The following TBC1D23 variants were observed in gnomAD, a reference collection of about 807,000 sequenced individuals.
TBC1D23 encodes the protein TBC1 domain family member 23, also known as HCV non-structural protein 4A-transactivated protein 1.
In TBC1D23, 55 loss-of-function variants were observed where a neutral mutation model predicts 91.4. The ratio of observed to expected loss-of-function variants is 0.60; its 90% CI spans 0.48 to 0.75. TBC1D23 has a LOEUF of 0.75. Ranked by LOEUF, TBC1D23 falls within the 30% of genes least tolerant of loss-of-function variation. The pLI, the probability that TBC1D23 is intolerant of heterozygous loss-of-function variation, is 0.00. For synonymous variants in TBC1D23, 289 were observed against 281.0 expected (o/e 1.03, Z -0.28); for missense variants, 725 against 836.1 (o/e 0.87, Z 1.64).
At chr3:100,290,756 A>G in intron 5 of TBC1D23, 55 bp downstream of exon 5, 1 of 1,366,238 alleles carries the variant, frequency 7.3e-7, no homozygotes, top group Non-Finnish European at 9.9e-7. Context: ...GTAAAGCTAT[A>G]GTTAGGTGGG....
chr3:100,277,182 A>C (rs1210721181), intron 1 of TBC1D23, among the ~76,000 whole-genome samples: 1 of 152,218 alleles, frequency 6.6e-6, no homozygotes, highest in African/African-American at 2.4e-5. Flanking sequence ...TGGGAGCTAA[A>C]TGCTATAGAA....
In TBC1D23 at chr3:100,274,993, G is replaced by A. The variant is rs1470840984; in HGVS notation, c.54-4656G>A. Among the ~76,000 whole-genome samples the A allele has an allele frequency of 8.0e-5, 12 of 149,836 alleles. No individual in the cohort carries two copies. In the Admixed American group the frequency reaches 8.0e-4, roughly 10 times the overall value. On this transcript the variant is annotated intron_variant, in intron 1 of 18. Transcript: ENST00000394144. Reference sequence around the variant, plus strand: ...GTGGATAATGCTGCTGTGAACATGTGTATACAAAAGTCTCTTTCAGACTCT... The same window carrying A: ...GTGGATAATGCTGCTGTGAACATGTATATACAAAAGTCTCTTTCAGACTCT...
intron 1 of TBC1D23, among the ~76,000 whole-genome samples, chr3:100,278,770 A>G (rs2067671096): frequency 6.6e-6 from 1 of 152,342 alleles, no homozygotes; most frequent in East Asian, 1.9e-4. Flanking sequence ...TTTACCTTAT[A>G]CAAATGAAAT....
At chr3:100,285,413 TATTTC>T (rs1311947659) in intron 4 of TBC1D23, among the ~76,000 whole-genome samples, 7 of 152,376 alleles carry the variant, frequency 4.6e-5, no homozygotes, top group South Asian at 2.1e-4. Context: ...TCATATATCT[TATTTC>T]ATTTCTTTTT....
intron 13 of TBC1D23, among the ~76,000 whole-genome samples, chr3:100,308,167 A>G (rs887672524): frequency 2.6e-5 from 4 of 152,210 alleles, no homozygotes; most frequent in African/African-American, 9.6e-5. Context: ...TTTGTTGTTA[A>G]TGACATTTCT....
chr3:100,274,450 TC>T (rs1428524249), intron 1 of TBC1D23, among the ~76,000 whole-genome samples: 1 of 152,172 alleles, frequency 6.6e-6, no homozygotes, highest in Non-Finnish European at 1.5e-5. Context: ...AAGTTTACCA[TC>T]TTGACCATTT....
intron 4 of TBC1D23, 136 bp downstream of exon 4, chr3:100,283,947 G>T (rs1386780414): frequency 5.5e-6 from 3 of 547,640 alleles, no homozygotes; most frequent in Non-Finnish European, 9.6e-6. Flanking sequence ...ATCCATAATT[G>T]TTATTTTATT....
chr3:100,269,681 A>G (rs2067585521), intron 1 of TBC1D23, among the ~76,000 whole-genome samples: 1 of 152,238 alleles, frequency 6.6e-6, no homozygotes, highest in Admixed American at 6.5e-5. Context: ...GTCATACAGA[A>G]TATTCAAGAA....
intron 8 of TBC1D23, among the ~76,000 whole-genome samples, chr3:100,297,411 G>A (rs1210817083): frequency 6.6e-6 from 1 of 152,132 alleles, no homozygotes; most frequent in Non-Finnish European, 1.5e-5. Context: ...TCCTAACAAT[G>A]CTGTATAAGT....
Position 100,323,563 on chromosome 3 carries a change from ATATG to A in TBC1D23, c.2019-20_2019-17del. The A allele has an allele frequency of 8.1e-7, 1 of 1,229,546 alleles. No individual in the cohort carries two copies. Among genetic ancestry groups the A allele is most frequent in the East Asian group, 2.9e-5 (1 of 34,250 alleles). 76.2% of individuals were successfully genotyped at this position (1,229,546 alleles called of 1,614,324 possible). A position where few individuals can be genotyped will look rare whatever the true frequency, so the allele number is the denominator to read the frequency against. On this transcript the variant is annotated intron_variant, in intron 18 of 18. Coordinates refer to ENST00000394144, the MANE Select transcript of TBC1D23 (RefSeq NM_001199198.3). ...TACATATGTATATATATATGTATAT[ATATG>A]TATTTTTTTTCCCCCTTAGGTATTT...
rs115142123 is a variant in TBC1D23, at chr3:100,304,743, T to G, written c.1264-103T>G. 360 of 670,144 alleles carry G rather than the reference T, an allele frequency of 5.4e-4. 3 individuals are homozygous for G. In the African/African-American group the frequency reaches 6.2e-3, roughly 12 times the overall value. 41.5% of individuals were successfully genotyped at this position (670,144 alleles called of 1,614,324 possible). On this transcript the variant is annotated intron_variant, in intron 11 of 18. Coordinates refer to ENST00000394144, the MANE Select transcript of TBC1D23 (RefSeq NM_001199198.3). Reference sequence around the variant, plus strand: ...CAAGGAAATGAGAAAGCCCGGTAATTTAATGTATCACTTGGTATTGTATTT... The same window carrying G: ...CAAGGAAATGAGAAAGCCCGGTAATGTAATGTATCACTTGGTATTGTATTT...
chr3:100,314,568 C>T (rs887163586), intron 15 of TBC1D23, among the ~76,000 whole-genome samples: 3 of 152,008 alleles, frequency 2.0e-5, no homozygotes, highest in African/African-American at 7.2e-5. Context: ...GAGTTCAAGA[C>T]CATTCTGTGC....
At chr3:100,267,010 G>GA (rs1270468877) in intron 1 of TBC1D23, among the ~76,000 whole-genome samples, 2 of 152,166 alleles carry the variant, frequency 1.3e-5, no homozygotes, top group African/African-American at 4.8e-5. Flanking sequence ...TAAGGTTTTA[G>GA]AAAAAAATTT....
At chr3:100,275,755 C>G (rs2067643460) in intron 1 of TBC1D23, among the ~76,000 whole-genome samples, 1 of 152,004 alleles carries the variant, frequency 6.6e-6, no homozygotes, top group Non-Finnish European at 1.5e-5. Flanking sequence ...AAAGTTGAAA[C>G]AACTCAAAAG....
At chr3:100,267,281 ATTCT>A (rs1331765734) in intron 1 of TBC1D23, 5 of 435,624 alleles carry the variant, frequency 1.1e-5, no homozygotes, top group Admixed American at 2.7e-5. Context: ...ATAAAATCAA[ATTCT>A]TTCTTGTAGA....
intron 2 of TBC1D23, among the ~76,000 whole-genome samples, chr3:100,280,684 A>G (rs1390938040): frequency 2.0e-5 from 3 of 152,250 alleles, no homozygotes; most frequent in Non-Finnish European, 4.4e-5. Flanking sequence ...GTTTAAGCAC[A>G]TGCAAAAGTG....
At chr3:100,285,690 A>G (rs904467350) in intron 4 of TBC1D23, among the ~76,000 whole-genome samples, 1 of 152,196 alleles carries the variant, frequency 6.6e-6, no homozygotes, top group Non-Finnish European at 1.5e-5. Context: ...GTTCTCACCA[A>G]CAGTCAGTGG....
chr3:100,313,034 A>T (rs924051986), intron 15 of TBC1D23, among the ~76,000 whole-genome samples: 7 of 141,526 alleles, frequency 4.9e-5, no homozygotes, highest in African/African-American at 1.5e-4. Context: ...ATAATAATAT[A>T]ATAATAATAG....
intron 4 of TBC1D23, among the ~76,000 whole-genome samples, chr3:100,285,822 T>C (rs2067736497): frequency 6.6e-6 from 1 of 152,252 alleles, no homozygotes; most frequent in African/African-American, 2.4e-5. Flanking sequence ...GCTAATGATG[T>C]TGAGCATCTT....
Sources: gnomAD v4.1 joint callset for allele counts (sites outside exome capture counted in the v4.1 genomes callset) on GRCh38, gnomAD v4.1.1 for gene constraint, MANE v1.5 for transcripts, NCBI Gene and HGNC (gene_info 2026-07-23, HGNC 2026-07-21) for gene names.